NTNG1: variants seen among roughly 807,000 people sequenced by gnomAD.
NTNG1 encodes netrin G1.
A neutral mutation model predicts 54.0 loss-of-function variants in NTNG1; 16 were observed. The ratio of observed to expected loss-of-function variants is 0.30; its 90% confidence interval spans 0.20 to 0.45. The LOEUF is 0.45. Among genes scored for constraint, NTNG1 ranks in the 20% least tolerant of loss-of-function variants. The pLI is 1.00. For synonymous variants in NTNG1, 255 were observed against 263.1 expected (o/e 0.97, Z 0.30); for missense variants, 530 against 678.7 (o/e 0.78, Z 2.43).
intron 2 of NTNG1, among the ~76,000 whole-genome samples, chr1:107,235,733 A>G (rs1661366758): frequency 6.6e-6 from 1 of 152,226 alleles, no homozygotes. Flanking sequence ...CTCATCTAAT[A>G]GAGAAAGAAA....
intron 3 of NTNG1, among the ~76,000 whole-genome samples, chr1:107,352,983 G>A (rs768810743): frequency 6.6e-6 from 1 of 152,084 alleles, no homozygotes; most frequent in Non-Finnish European, 1.5e-5. Flanking sequence ...GCCTGGCCCA[G>A]GAAACCATTT....
intron 4 of NTNG1, among the ~76,000 whole-genome samples, chr1:107,397,207 T>A (rs1672737435): frequency 6.6e-6 from 1 of 152,194 alleles, no homozygotes; most frequent in African/African-American, 2.4e-5. Flanking sequence ...TTGGACGTTT[T>A]TCCTCATTGA....
intron 2 of NTNG1, among the ~76,000 whole-genome samples, chr1:107,208,691 G>T (rs551959753): frequency 1.3e-5 from 2 of 152,218 alleles, no homozygotes; most frequent in South Asian, 4.1e-4. Context: ...AGTGACCAAG[G>T]CATTGTCCTT....
chr1:107,207,509 C>T (rs1322891728), intron 2 of NTNG1, among the ~76,000 whole-genome samples: 1 of 152,142 alleles, frequency 6.6e-6, no homozygotes, highest in Non-Finnish European at 1.5e-5. Context: ...TTAAAGGTAT[C>T]TTCATTCTGC....
At chr1:107,476,527 C>T (rs1678342932) in intron 7 of NTNG1, among the ~76,000 whole-genome samples, 1 of 152,196 alleles carries the variant, frequency 6.6e-6, no homozygotes, top group South Asian at 2.1e-4. Context: ...AACTCTTCCT[C>T]TTATCTTCTT....
intron 3 of NTNG1, among the ~76,000 whole-genome samples, chr1:107,342,274 CT>C (rs889800741): frequency 1.3e-5 from 2 of 151,890 alleles, no homozygotes; most frequent in African/African-American, 4.8e-5. Flanking sequence ...TGTTAGCCCC[CT>C]GAATTAAAGA....
At chr1:107,171,356 C>G (rs1656225168) in intron 2 of NTNG1, among the ~76,000 whole-genome samples, 1 of 152,098 alleles carries the variant, frequency 6.6e-6, no homozygotes, top group East Asian at 1.9e-4. Context: ...TCTATACTAG[C>G]TCTGAGTTTT....
In NTNG1 at chr1:107,179,589, T is replaced by C. The variant is rs113751999; in HGVS notation, c.246+30750T>C. Among the ~76,000 whole-genome samples the C allele has an allele frequency of 6.8e-3, 1,040 of 152,310 alleles. 9 individuals are homozygous for C. Among genetic ancestry groups the C allele is most frequent in the African/African-American group, 0.024 (979 of 41,574 alleles). ...TGAACTTCTCCGAGTAGATTTGTTT[T>C]TGTTTTTAACCTTTATTTGAAGTTC... On this transcript the variant is annotated intron_variant, in intron 2 of 7. Coordinates refer to ENST00000370068, the MANE Select transcript of NTNG1 (RefSeq NM_001113226.3).
intron 2 of NTNG1, among the ~76,000 whole-genome samples, chr1:107,265,582 A>G (rs1443306012): frequency 1.3e-5 from 2 of 152,228 alleles, no homozygotes; most frequent in Admixed American, 1.3e-4. Context: ...AATGAGTTCT[A>G]TCTGTTAGGT....
chr1:107,431,500 T>C (rs967023520), intron 6 of NTNG1, among the ~76,000 whole-genome samples: 2 of 152,092 alleles, frequency 1.3e-5, no homozygotes, highest in African/African-American at 4.8e-5. Flanking sequence ...GGAGGAGTAA[T>C]TTCTCAAAAG....
chr1:107,383,588 G>T (rs1671775090), intron 3 of NTNG1, among the ~76,000 whole-genome samples: 1 of 152,124 alleles, frequency 6.6e-6, no homozygotes, highest in Admixed American at 6.5e-5. Flanking sequence ...TAAGCTCTAG[G>T]ACTATTTTAT....
At chr1:107,364,745 G>T (rs989725349) in intron 3 of NTNG1, among the ~76,000 whole-genome samples, 1 of 152,110 alleles carries the variant, frequency 6.6e-6, no homozygotes, top group African/African-American at 2.4e-5. Context: ...TATCTACTCT[G>T]AATCAATTAT....
intron 3 of NTNG1, among the ~76,000 whole-genome samples, chr1:107,336,493 A>C (rs2101911893): frequency 6.6e-6 from 1 of 152,116 alleles, no homozygotes; most frequent in Non-Finnish European, 1.5e-5. Context: ...TTAAAGACCT[A>C]AATGTAAGAG....
intron 7 of NTNG1, among the ~76,000 whole-genome samples, chr1:107,447,569 T>C (rs1361335968): frequency 6.6e-6 from 1 of 152,098 alleles, no homozygotes; most frequent in Non-Finnish European, 1.5e-5. Flanking sequence ...TTCCATATAG[T>C]TAAATCAGGC....
intron 2 of NTNG1, among the ~76,000 whole-genome samples, chr1:107,317,112 CTT>C (rs1436969444): frequency 1.3e-5 from 2 of 152,120 alleles, no homozygotes; most frequent in African/African-American, 4.8e-5. Context: ...AAGAAAAAAA[CTT>C]TTCGAACATC....
chr1:107,319,397 A>C (rs1667514009), intron 2 of NTNG1, among the ~76,000 whole-genome samples: 1 of 152,130 alleles, frequency 6.6e-6, no homozygotes, highest in African/African-American at 2.4e-5. Flanking sequence ...CTTGCAGTTA[A>C]AGCATGGTTC....
intron 3 of NTNG1, among the ~76,000 whole-genome samples, chr1:107,361,129 T>G (rs1670239689): frequency 6.9e-6 from 1 of 145,436 alleles, no homozygotes; most frequent in South Asian, 2.1e-4. Context: ...GTATTATATA[T>G]TTCTTATATT....
At chr1:107,355,191 G>A (rs895645016) in intron 3 of NTNG1, among the ~76,000 whole-genome samples, 1 of 150,644 alleles carries the variant, frequency 6.6e-6, no homozygotes, top group Non-Finnish European at 1.5e-5. Context: ...TATTTCTTAA[G>A]GCTATCAAAC....
chr1:107,155,578 T>G (rs1428913069), intron 2 of NTNG1, among the ~76,000 whole-genome samples: 1 of 152,124 alleles, frequency 6.6e-6, no homozygotes, highest in Non-Finnish European at 1.5e-5. Flanking sequence ...ACACATTCGC[T>G]TCATGTTTAC....
Sources: allele counts gnomAD v4.1 joint callset (sites outside exome capture counted in the v4.1 genomes callset), GRCh38; gene constraint gnomAD v4.1.1; transcripts MANE v1.5; gene names NCBI Gene and HGNC (gene_info 2026-07-23, HGNC 2026-07-21).